Variants in BTD observed in about 807,000 individuals in gnomAD.
BTD encodes the protein biocytinase.
Under a neutral mutation model 17.7 loss-of-function variants are expected in BTD, and 13 were observed. That is an observed-to-expected ratio of 0.74 (90% CI 0.48 to 1.17). The LOEUF is 1.17. Among genes scored for constraint, BTD ranks in the 50% most tolerant of loss-of-function variants. The pLI is 0.00. For synonymous variants in BTD, 240 were observed against 245.2 expected, an observed-to-expected ratio of 0.98 and a Z score of 0.20; for missense variants, 674 against 650.4, an observed-to-expected ratio of 1.04 and a Z score of -0.39.
intron 3 of BTD, among the ~76,000 whole-genome samples, chr3:15,659,686 G>A (rs973035946): frequency 6.6e-6 from 1 of 152,172 alleles, no homozygotes; most frequent in African/African-American, 2.4e-5. Context: ...TGACCATGTA[G>A]ATTAGGGAAC....
At chr3:15,602,115 T>C in intron 1 of BTD, 1 of 1,431,046 alleles carries the variant, frequency 7.0e-7, no homozygotes, top group South Asian at 1.5e-5. Context: ...GTTTACGCTC[T>C]CATAACCTTG....
In BTD at chr3:15,650,179, A is replaced by G. The variant is rs1208178040; in HGVS notation, c.*4691A>G. Among the ~76,000 whole-genome samples the G allele has an allele frequency of 6.6e-6, 1 of 152,166 alleles. No homozygotes were observed. On this transcript the variant is annotated 3_prime_UTR_variant, in exon 4 of 4. Transcript: ENST00000643237. ...CTGCTGAATGAATGAATGAATGAAT[A>G]GGTAGTCACAAAGAATGTTTAGAAT...
At chr3:15,641,396 C>T (rs1376534620) in intron 2 of BTD, among the ~76,000 whole-genome samples, 1 of 152,208 alleles carries the variant, frequency 6.6e-6, no homozygotes, top group East Asian at 1.9e-4. Flanking sequence ...CACCCACAGT[C>T]AATCAAATCA....
At chr3:15,712,008 G>T in exon 4 of BTD, 1 of 716,662 alleles carries the variant, frequency 1.4e-6, no homozygotes, top group Non-Finnish European at 2.4e-6. Context: ...AACCCAACAC[G>T]TTCTAAAAGG....
chr3:15,696,128 T>C (rs371523674), intron 3 of BTD: 2 of 1,546,174 alleles, frequency 1.3e-6, no homozygotes, highest in African/African-American at 1.4e-5. Context: ...AATTCAGGAA[T>C]CTTACCAGCT....
At position 15,646,052 on chromosome 3, in the gene BTD, C is replaced by A. The variant is rs985174659; in HGVS notation, c.*564C>A. 4 of 152,366 alleles carry A rather than the reference C, an allele frequency of 2.6e-5. No individual in the cohort carries two copies. The highest frequency in any genetic ancestry group is 5.9e-5 in the Non-Finnish European group (4 of 68,254). 9.4% of individuals were successfully genotyped at this position (152,366 alleles called of 1,614,324 possible). On this transcript the variant is annotated 3_prime_UTR_variant, in exon 4 of 4. Coordinates refer to ENST00000643237, the MANE Select transcript of BTD (RefSeq NM_001370658.1). ...CCACCAGCAACGTCAGAAACGTAGA[C>A]CTTAAAGCGGCTTTTAAAAATAGAA...
intron 1 of BTD, among the ~76,000 whole-genome samples, chr3:15,627,249 C>T (rs915978167): frequency 6.6e-6 from 1 of 152,188 alleles, no homozygotes; most frequent in Non-Finnish European, 1.5e-5. Flanking sequence ...GACCCATTTG[C>T]CTGCTTTTTG....
rs104893692 is a variant in BTD, at chr3:15,645,322, A to C, written c.1406A>C (p.Asn469Thr). 28 of 1,614,204 alleles carry C rather than the reference A, an allele frequency of 1.7e-5. No homozygotes were observed. The East Asian group carries it at 5.8e-4, about 33-fold the overall frequency. The part of the protein sequence containing the change: ...TGIFEFHLWG[N>T]FSTSYIFPLF... Reference sequence around the variant, plus strand: ...ATATTTGAGTTTCACCTGTGGGGCAACTTCAGTACTTCCTATATCTTTCCT... The same window carrying C: ...ATATTTGAGTTTCACCTGTGGGGCACCTTCAGTACTTCCTATATCTTTCCT... Residue 469 changes from asparagine (N) to threonine (T), a missense_variant, in exon 4 of 4, where the codon AAC (asparagine) becomes ACC (threonine). Physicochemically the swap from Asn to Thr is moderately conservative, Grantham distance 65. Transcript: ENST00000643237.
downstream of BTD, among the ~76,000 whole-genome samples, chr3:15,657,760 G>A (rs541386790): frequency 1.3e-5 from 2 of 152,024 alleles, no homozygotes; most frequent in Non-Finnish European, 2.9e-5. Flanking sequence ...ACCTTCCACA[G>A]GAATCTTTGT....
intron 3 of BTD, 161 bp downstream of exon 3, chr3:15,642,218 T>C: frequency 6.7e-7 from 1 of 1,483,838 alleles, no homozygotes; most frequent in Non-Finnish European, 8.9e-7. Context: ...GTTCATTCCA[T>C]TAAAGAATGT....
In BTD at chr3:15,642,043, T is replaced by C. The variant is rs397514359; in HGVS notation, c.385T>C (p.Phe129Leu). 2 of 1,614,058 alleles carry C rather than the reference T, an allele frequency of 1.2e-6. No individual in the cohort carries two copies. Among genetic ancestry groups the C allele is most frequent in the Non-Finnish European group, 1.7e-6 (2 of 1,180,032 alleles). The change falls in exon 3 of 4, where the codon TTC becomes CTC. Residue 129 changes from phenylalanine (F) to leucine (L), a missense_variant. Coordinates refer to ENST00000643237, the MANE Select transcript of BTD (RefSeq NM_001370658.1). ...RWNPCLEPHR[F>L]NDTEVLQRLS... ...GAACCCATGCCTGGAGCCTCACCGC[T>C]TCAATGACACAGAGGTGATTCCTGC...
chr3:15,610,858 T>C (rs1449755075), intron 1 of BTD, among the ~76,000 whole-genome samples: 1 of 151,940 alleles, frequency 6.6e-6, no homozygotes, highest in East Asian at 1.9e-4. Context: ...GGGATGCACA[T>C]TGGGTGATAA....
intron 3 of BTD, chr3:15,685,143 A>C: frequency 1.4e-6 from 2 of 1,460,028 alleles, no homozygotes; most frequent in Admixed American, 3.4e-5. Context: ...CTAATTTTAA[A>C]CTTAAAATTT....
At chr3:15,657,462 C>G (rs536755190), downstream of BTD, among the ~76,000 whole-genome samples, 1 of 151,684 alleles carries the variant, frequency 6.6e-6, no homozygotes, top group South Asian at 2.1e-4. Flanking sequence ...AACTGAGACA[C>G]AGAGAGGCTG....
chr3:15,621,047 G>A (rs2064939159), intron 1 of BTD, among the ~76,000 whole-genome samples: 1 of 152,182 alleles, frequency 6.6e-6, no homozygotes, highest in Admixed American at 6.5e-5. Context: ...GGAGAGGAAG[G>A]GTATATCCCA....
intron 3 of BTD, among the ~76,000 whole-genome samples, chr3:15,696,815 T>C (rs1317585918): frequency 6.6e-6 from 1 of 152,112 alleles, no homozygotes; most frequent in Admixed American, 6.6e-5. Flanking sequence ...TCTGTGATAA[T>C]AAAATATGAG....
At chr3:15,669,968 C>A (rs1027578267) in intron 3 of BTD, 4 of 267,794 alleles carry the variant, frequency 1.5e-5, no homozygotes, top group Admixed American at 1.4e-4. Flanking sequence ...CTTGTGTAAG[C>A]AGGTTAGAGT....
chr3:15,679,841 T>C (rs951096283), intron 3 of BTD, among the ~76,000 whole-genome samples: 2 of 151,874 alleles, frequency 1.3e-5, no homozygotes, highest in African/African-American at 4.8e-5. Context: ...ATTAAAAATA[T>C]TTGGGGGAAA....
downstream of BTD, among the ~76,000 whole-genome samples, chr3:15,712,831 G>A (rs188494123): frequency 1.6e-3 from 243 of 152,230 alleles, no homozygotes; most frequent in Non-Finnish European, 2.4e-3. Flanking sequence ...TATCTAGATG[G>A]CTAAATTAAT....
Sources: allele counts gnomAD v4.1 joint callset (sites outside exome capture counted in the v4.1 genomes callset), GRCh38; gene constraint gnomAD v4.1.1; transcripts MANE v1.5; gene names NCBI Gene and HGNC (gene_info 2026-07-23, HGNC 2026-07-21).